RAP1A: variants seen among roughly 807,000 people sequenced by gnomAD.
RAP1A encodes the protein ras-related protein Rap-1A.
RAP1A carries 6 observed loss-of-function variants against 26.4 expected under a neutral mutation model. That is an observed-to-expected ratio of 0.23 (90% CI 0.12 to 0.45). RAP1A has a LOEUF of 0.45. RAP1A is among the 20% of genes least tolerant of loss of function. The pLI, the probability that RAP1A is intolerant of heterozygous loss-of-function variation, is 0.99. For missense variants in RAP1A, 121 were observed against 217.2 expected (o/e 0.56, Z 2.78); for synonymous variants, 73 against 79.4 (o/e 0.92, Z 0.43).
intron 1 of RAP1A, among the ~76,000 whole-genome samples, chr1:111,650,233 C>G (rs1415260576): frequency 6.6e-6 from 1 of 151,182 alleles, no homozygotes; most frequent in African/African-American, 2.4e-5. Flanking sequence ...AATTCAGTGA[C>G]TTGCCCTGAG....
intron 1 of RAP1A, among the ~76,000 whole-genome samples, chr1:111,662,202 T>C (rs1302135077): frequency 6.6e-6 from 1 of 152,052 alleles, no homozygotes; most frequent in African/African-American, 2.4e-5. Context: ...GAGACCATCC[T>C]GGCTAACATG....
At chr1:111,688,857 C>T (rs1661582646) in intron 1 of RAP1A, among the ~76,000 whole-genome samples, 1 of 140,278 alleles carries the variant, frequency 7.1e-6, no homozygotes, top group Admixed American at 7.5e-5. Context: ...GTTTTTGAGA[C>T]AGGGTCTCAC....
chr1:111,632,783 C>T (rs988844110), intron 1 of RAP1A, among the ~76,000 whole-genome samples: 11 of 151,628 alleles, frequency 7.3e-5, no homozygotes, highest in African/African-American at 2.7e-4. Flanking sequence ...TAGCTGGGCG[C>T]GGTGGCGCAT....
intron 1 of RAP1A, among the ~76,000 whole-genome samples, chr1:111,553,621 T>A (rs1315651049): frequency 6.6e-6 from 1 of 152,216 alleles, no homozygotes; most frequent in Non-Finnish European, 1.5e-5. Context: ...GCTTTCAGAC[T>A]CCTTCCTACC....
At chr1:111,583,101 A>G (rs1658290907) in intron 1 of RAP1A, among the ~76,000 whole-genome samples, 1 of 152,190 alleles carries the variant, frequency 6.6e-6, no homozygotes, top group African/African-American at 2.4e-5. Flanking sequence ...ATCACAGAGC[A>G]GAGGCTGACA....
intron 1 of RAP1A, among the ~76,000 whole-genome samples, chr1:111,632,453 C>T (rs556462945): frequency 1.3e-5 from 2 of 151,592 alleles, no homozygotes; most frequent in Non-Finnish European, 2.9e-5. Context: ...GAGAAAGGAA[C>T]GTAATTATGA....
intron 1 of RAP1A, among the ~76,000 whole-genome samples, chr1:111,603,616 A>T (rs2101073927): frequency 6.6e-6 from 1 of 152,230 alleles, no homozygotes; most frequent in South Asian, 2.1e-4. Context: ...TCCTTTGTAA[A>T]ATGTTTTCTT....
chr1:111,681,657 A>G (rs535265255), intron 1 of RAP1A, among the ~76,000 whole-genome samples: 1 of 152,300 alleles, frequency 6.6e-6, no homozygotes, highest in Admixed American at 6.5e-5. Flanking sequence ...GAGAAAATAG[A>G]ATGAAAAGGA....
chr1:111,654,158 G>A (rs200574154), intron 1 of RAP1A, among the ~76,000 whole-genome samples: 1 of 152,164 alleles, frequency 6.6e-6, no homozygotes, highest in East Asian at 1.9e-4. Flanking sequence ...AGGACTCTCC[G>A]CCATGGTATT....
At chr1:111,588,872 C>T (rs1658425905) in intron 1 of RAP1A, among the ~76,000 whole-genome samples, 1 of 152,156 alleles carries the variant, frequency 6.6e-6, no homozygotes, top group Non-Finnish European at 1.5e-5. Flanking sequence ...AAAATATTAG[C>T]ATTAAATGAA....
At position 111,709,186 on chromosome 1, in the gene RAP1A, C is replaced by T; in HGVS notation, c.506C>T (p.Thr169Ile). 1 of 1,613,550 alleles carries T rather than the reference C, an allele frequency of 6.2e-7. No homozygotes were observed. The highest frequency in any genetic ancestry group is 1.1e-5 in the South Asian group (1 of 91,028). ...CTGGTCAGACAGATAAATAGGAAAA[C>T]ACCAGTGGAAAAGAAGAAGCCTAAA... is the stretch of plus-strand genomic sequence containing the variant. ...YDLVRQINRK[T>I]PVEKKKPKKK... The change falls in exon 7 of 8, where the codon ACA (threonine) becomes ATA (isoleucine). Residue 169 changes from threonine (T) to isoleucine (I), a missense_variant. Physicochemically the swap from Thr to Ile is moderately conservative, Grantham distance 89 (BLOSUM62 -1). Coordinates refer to ENST00000369709, the MANE Select transcript of RAP1A (RefSeq NM_002884.4).
chr1:111,625,567 C>T (rs896370039), intron 1 of RAP1A, among the ~76,000 whole-genome samples: 1 of 152,108 alleles, frequency 6.6e-6, no homozygotes. Flanking sequence ...TCATTCTGTT[C>T]TAGACAAGTT....
At chr1:111,589,776 A>G (rs1557859209) in intron 1 of RAP1A, among the ~76,000 whole-genome samples, 1 of 152,086 alleles carries the variant, frequency 6.6e-6, no homozygotes. Flanking sequence ...CAGTGGTGCT[A>G]TCATGGCTCA....
rs1159056430 is a variant in RAP1A, at chr1:111,669,043, AAAAAAG to A, written c.-27-22287_-27-22282del. Among the ~76,000 whole-genome samples, 1,256 of 151,612 alleles carry A rather than the reference AAAAAAG, an allele frequency of 8.3e-3. 17 individuals carry two copies. Among genetic ancestry groups the A allele is most frequent in the African/African-American group, 0.029 (1,200 of 41,346 alleles). On this transcript the variant is annotated intron_variant, in intron 1 of 7. Transcript: ENST00000369709. ...TATCTCAAGAAAAAAAAAAAAAAAA[AAAAAAG>A]AAAGAAAAGAAATGTATAAATAAAA...
At chr1:111,567,973 G>A (rs573485058) in intron 1 of RAP1A, among the ~76,000 whole-genome samples, 1 of 152,290 alleles carries the variant, frequency 6.6e-6, no homozygotes, top group Admixed American at 6.5e-5. Context: ...AGACAAACAT[G>A]GTCCATTTCT....
intron 1 of RAP1A, among the ~76,000 whole-genome samples, chr1:111,664,574 A>AC (rs1660746029): frequency 6.6e-6 from 1 of 151,518 alleles, no homozygotes; most frequent in South Asian, 2.1e-4. Context: ...GTCTACCTAC[A>AC]CCCCCTTCCT....
At chr1:111,640,994 AG>A (rs1160819220) in intron 1 of RAP1A, among the ~76,000 whole-genome samples, 6 of 152,194 alleles carry the variant, frequency 3.9e-5, no homozygotes, top group African/African-American at 1.4e-4. Flanking sequence ...ATTTTTGTTA[AG>A]TAATGTATTT....
chr1:111,570,717 C>CAAAAA (rs1216214252), intron 1 of RAP1A, among the ~76,000 whole-genome samples: 3 of 152,128 alleles, frequency 2.0e-5, no homozygotes, highest in Non-Finnish European at 4.4e-5. Flanking sequence ...AAAGGGGAAG[C>CAAAAA]AAACATGTAT....
At chr1:111,560,891 A>G (rs1451093523) in intron 1 of RAP1A, among the ~76,000 whole-genome samples, 1 of 152,280 alleles carries the variant, frequency 6.6e-6, no homozygotes, top group East Asian at 1.9e-4. Context: ...CTCTTGCTTC[A>G]GGACCTGTAG....
Sources: gnomAD v4.1 joint callset for allele counts (sites outside exome capture counted in the v4.1 genomes callset) on GRCh38, gnomAD v4.1.1 for gene constraint, MANE v1.5 for transcripts, NCBI Gene and HGNC (gene_info 2026-07-23, HGNC 2026-07-21) for gene names.